The following CHCHD6 variants were observed in gnomAD, a reference collection of about 807,000 sequenced individuals.
CHCHD6 encodes coiled-coil-helix-coiled-coil-helix domain containing 6.
In CHCHD6, 28 loss-of-function variants were observed where a neutral mutation model predicts 32.3. The ratio of observed to expected loss-of-function variants is 0.87; its 90% CI spans 0.64 to 1.19. The LOEUF (loss-of-function observed/expected upper bound fraction) is 1.19, where lower values mean the gene tolerates loss of function less well. Ranked by LOEUF, CHCHD6 falls within the 50% of genes most tolerant of loss-of-function variation. CHCHD6 has a pLI of 0.00. For missense variants in CHCHD6, 333 were observed against 307.0 expected, an observed-to-expected ratio of 1.08 and a Z score of -0.63; for synonymous variants, 122 against 117.5, an observed-to-expected ratio of 1.04 and a Z score of -0.25.
At chr3:126,901,145 T>A (rs1314385384) in intron 5 of CHCHD6, among the ~76,000 whole-genome samples, 1 of 152,202 alleles carries the variant, frequency 6.6e-6, no homozygotes, top group Non-Finnish European at 1.5e-5. Context: ...CAAGTGGTGA[T>A]GCATACTGTC....
intron 4 of CHCHD6, among the ~76,000 whole-genome samples, chr3:126,744,751 G>C (rs1458813307): frequency 6.6e-6 from 1 of 151,876 alleles, no homozygotes; most frequent in Admixed American, 6.6e-5. Flanking sequence ...GCAGTGGTGC[G>C]ATCTCAGCTC....
intron 5 of CHCHD6, among the ~76,000 whole-genome samples, chr3:126,910,282 A>AAAAACAAAAAAAAC (rs1553756171): frequency 1.5e-4 from 23 of 151,606 alleles, no homozygotes; most frequent in Non-Finnish European, 2.7e-4. Flanking sequence ...GGAAAAAAAA[A>AAAAACAAAAAAAAC]AAAACAAAAA....
intron 6 of CHCHD6, among the ~76,000 whole-genome samples, chr3:126,919,680 T>C (rs2078219563): frequency 1.3e-5 from 2 of 151,760 alleles, no homozygotes; most frequent in Admixed American, 6.6e-5. Context: ...TTTAATTGTA[T>C]GTAAATACCT....
chr3:126,957,852 C>A, intron 7 of CHCHD6: 1 of 488,402 alleles, frequency 2.0e-6, no homozygotes, highest in Non-Finnish European at 3.8e-6. Context: ...AAGGGCCGGG[C>A]CCCTTGTGGG....
chr3:126,795,441 G>A (rs1229662992), intron 4 of CHCHD6, among the ~76,000 whole-genome samples: 4 of 152,206 alleles, frequency 2.6e-5, no homozygotes, highest in Admixed American at 1.3e-4. Context: ...TTGTTAGGAA[G>A]CTGGAGAGTT....
intron 1 of CHCHD6, among the ~76,000 whole-genome samples, chr3:126,707,786 A>G (rs1453129079): frequency 6.6e-6 from 1 of 152,236 alleles, no homozygotes; most frequent in African/African-American, 2.4e-5. Context: ...GGTCAGACAC[A>G]CAAGAGAGTC....
chr3:126,772,170 C>T (rs1002434579), intron 4 of CHCHD6, among the ~76,000 whole-genome samples: 67 of 152,226 alleles, frequency 4.4e-4, no homozygotes, highest in African/African-American at 1.6e-3. Context: ...GGCGCAATCT[C>T]GGCTCACTGC....
intron 6 of CHCHD6, among the ~76,000 whole-genome samples, chr3:126,934,036 T>C (rs953315866): frequency 6.6e-6 from 1 of 152,240 alleles, no homozygotes; most frequent in African/African-American, 2.4e-5. Context: ...GGCCTCAGCC[T>C]TGAGCATTTC....
intron 4 of CHCHD6, among the ~76,000 whole-genome samples, chr3:126,738,107 G>C (rs1457857038): frequency 6.6e-6 from 1 of 152,152 alleles, no homozygotes; most frequent in Admixed American, 6.5e-5. Flanking sequence ...CTGTTCTCCT[G>C]GTGGCAGAGG....
At chr3:126,809,587 C>T (rs145673799) in intron 4 of CHCHD6, among the ~76,000 whole-genome samples, 8 of 152,262 alleles carry the variant, frequency 5.3e-5, no homozygotes, top group East Asian at 1.9e-4. Flanking sequence ...TGTCTGTGTC[C>T]GCTCTTGTGC....
chr3:126,910,066 CA>C (rs1482317097), intron 5 of CHCHD6, among the ~76,000 whole-genome samples: 9 of 152,114 alleles, frequency 5.9e-5, no homozygotes, highest in African/African-American at 2.2e-4. Flanking sequence ...CACTTGAGCC[CA>C]GGAGTTTGAA....
At chr3:126,905,853 G>A (rs1434932621) in intron 5 of CHCHD6, among the ~76,000 whole-genome samples, 1 of 152,188 alleles carries the variant, frequency 6.6e-6, no homozygotes, top group Admixed American at 6.5e-5. Context: ...TAGCCCTCCA[G>A]AAGCTGGATA....
chr3:126,730,691 C>T, intron 3 of CHCHD6, 61 bp downstream of exon 3: 1 of 1,388,116 alleles, frequency 7.2e-7, no homozygotes, highest in African/African-American at 1.4e-5. Flanking sequence ...TCTTTCCTCA[C>T]TGGGTACCCC....
chr3:126,818,102 A>T (rs946127753), intron 4 of CHCHD6, among the ~76,000 whole-genome samples: 1 of 152,166 alleles, frequency 6.6e-6, no homozygotes, highest in African/African-American at 2.4e-5. Flanking sequence ...GGGAAGTGTC[A>T]CAGTGTTTTC....
At chr3:126,722,623 T>A (rs749645631) in intron 1 of CHCHD6, among the ~76,000 whole-genome samples, 1 of 152,232 alleles carries the variant, frequency 6.6e-6, no homozygotes, top group Non-Finnish European at 1.5e-5. Flanking sequence ...TCTATTTAGA[T>A]CCTTTGCCCA....
At chr3:126,833,943 A>G (rs1940744677) in intron 4 of CHCHD6, among the ~76,000 whole-genome samples, 1 of 148,288 alleles carries the variant, frequency 6.7e-6, no homozygotes, top group African/African-American at 2.5e-5. Context: ...AGTCCTAGCT[A>G]CTTGGGAGGC....
At chr3:126,870,814 G>A (rs762569339) in intron 5 of CHCHD6, among the ~76,000 whole-genome samples, 2 of 152,178 alleles carry the variant, frequency 1.3e-5, no homozygotes, top group African/African-American at 2.4e-5. Flanking sequence ...CTAGCTTCTG[G>A]GGACTGCATT....
chr3:126,717,263 G>A (rs914117973), intron 1 of CHCHD6, among the ~76,000 whole-genome samples: 8 of 152,292 alleles, frequency 5.3e-5, no homozygotes, highest in African/African-American at 1.7e-4. Flanking sequence ...GGTAGGTAGC[G>A]TTAGTAAGGT....
Position 126,848,504 on chromosome 3 carries a change from T to C in CHCHD6, c.412-4143T>C, listed in dbSNP as rs552211880. ...ATTCATCAATTGGAGATTGTAATGC[T>C]AGCTGGATATCTGATGATGTTAAAG... On this transcript the variant is annotated intron_variant, in intron 4 of 7. Transcript: ENST00000290913. 3.3e-5 allele frequency among the ~76,000 whole-genome samples: 5 copies of C among 152,368 alleles called. No homozygotes were observed. The South Asian group carries it at 1.0e-3, about 32-fold the overall frequency.
Sources: gnomAD v4.1 joint callset for allele counts (sites outside exome capture counted in the v4.1 genomes callset) on GRCh38, gnomAD v4.1.1 for gene constraint, MANE v1.5 for transcripts, NCBI Gene and HGNC (gene_info 2026-07-23, HGNC 2026-07-21) for gene names.